Variants in DPP10 observed in about 807,000 individuals in gnomAD.
DPP10 encodes the protein dipeptidyl peptidase like 10, also known as inactive dipeptidyl peptidase 10.
Under a neutral mutation model 120.9 loss-of-function variants are expected in DPP10, and 33 were observed. The observed-to-expected ratio is 0.27, with a 90% CI of 0.21 to 0.37. The LOEUF (loss-of-function observed/expected upper bound fraction) is 0.37. DPP10 is among the 10% of genes least tolerant of loss of function. The pLI is 1.00. For synonymous variants in DPP10, 337 were observed against 326.1 expected (o/e 1.03, Z -0.36); for missense variants, 816 against 942.8 (o/e 0.87, Z 1.76).
intron 8 of DPP10, among the ~76,000 whole-genome samples, chr2:115,739,029 A>G (rs990464492): frequency 4.6e-5 from 7 of 152,130 alleles, no homozygotes; most frequent in African/African-American, 1.7e-4. Context: ...ACACATAAGG[A>G]GAAATTTGTG....
chr2:114,955,618 C>A (rs988149860), intron 1 of DPP10, among the ~76,000 whole-genome samples: 4 of 152,168 alleles, frequency 2.6e-5, no homozygotes, highest in Admixed American at 6.5e-5. Flanking sequence ...AGCCTCCTAT[C>A]GAAACTAAAT....
intron 3 of DPP10, among the ~76,000 whole-genome samples, chr2:115,464,499 G>A (rs892328622): frequency 6.6e-6 from 1 of 151,756 alleles, no homozygotes; most frequent in African/African-American, 2.4e-5. Context: ...CTAACACTAG[G>A]TTTTTTTTCA....
chr2:115,007,003 A>G (rs1184796587), intron 1 of DPP10, among the ~76,000 whole-genome samples: 1 of 152,062 alleles, frequency 6.6e-6, no homozygotes, highest in African/African-American at 2.4e-5. Flanking sequence ...AAGAACAGAA[A>G]TTATAACAAA....
At chr2:115,354,392 C>A (rs1285844616) in intron 3 of DPP10, among the ~76,000 whole-genome samples, 1 of 152,006 alleles carries the variant, frequency 6.6e-6, no homozygotes, top group Non-Finnish European at 1.5e-5. Flanking sequence ...TATGGGTACC[C>A]AATGTTTAGT....
intron 17 of DPP10, among the ~76,000 whole-genome samples, chr2:115,787,885 T>C (rs1683518960): frequency 6.6e-6 from 1 of 152,114 alleles, no homozygotes; most frequent in Non-Finnish European, 1.5e-5. Context: ...TACAGACATC[T>C]CATCAGAAAA....
At chr2:114,710,163 T>C (rs1263840922) in intron 1 of DPP10, among the ~76,000 whole-genome samples, 1 of 152,258 alleles carries the variant, frequency 6.6e-6, no homozygotes, top group Non-Finnish European at 1.5e-5. Flanking sequence ...GCTCACAGTC[T>C]GTTTTTGTAA....
chr2:115,332,108 T>G (rs867985738), intron 2 of DPP10, among the ~76,000 whole-genome samples: 17 of 152,150 alleles, frequency 1.1e-4, no homozygotes, highest in African/African-American at 3.9e-4. Context: ...CAGAGCCTCT[T>G]ATTGGTCTAT....
chr2:114,878,999 A>G (rs1691386958), intron 1 of DPP10, among the ~76,000 whole-genome samples: 1 of 152,136 alleles, frequency 6.6e-6, no homozygotes, highest in African/African-American at 2.4e-5. Flanking sequence ...GGGATTTAAG[A>G]GAAAGGTGTG....
chr2:115,468,339 A>G, intron 3 of DPP10: 1 of 513,736 alleles, frequency 1.9e-6, no homozygotes, highest in Non-Finnish European at 3.9e-6. Flanking sequence ...CACTGGAGCA[A>G]CTCCAATTGC....
chr2:115,544,197 T>C (rs1241820556), intron 5 of DPP10, among the ~76,000 whole-genome samples: 3 of 152,052 alleles, frequency 2.0e-5, no homozygotes, highest in Non-Finnish European at 2.9e-5. Context: ...AAATTTCTTA[T>C]GATATTTGTA....
At chr2:115,524,468 G>A (rs1031619916) in intron 4 of DPP10, among the ~76,000 whole-genome samples, 1 of 152,054 alleles carries the variant, frequency 6.6e-6, no homozygotes, top group Non-Finnish European at 1.5e-5. Context: ...TTTGGACTGG[G>A]GTACATCACC....
chr2:115,139,109 G>C (rs1478772813), intron 1 of DPP10, among the ~76,000 whole-genome samples: 1 of 152,150 alleles, frequency 6.6e-6, no homozygotes, highest in African/African-American at 2.4e-5. Flanking sequence ...TTCCAAGAAA[G>C]TGTTTGCAAA....
Position 114,958,142 on chromosome 2 carries a change from G to T in DPP10, c.61-351097G>T, listed in dbSNP as rs576859028. On this transcript the variant is annotated intron_variant, in intron 1 of 25. Transcript: ENST00000410059. ...ATTTATAGACAAAAAAAAGAGACAT[G>T]ACCTACAGAAATCAGAAGTGAGGCA... Among the ~76,000 whole-genome samples the T allele has an allele frequency of 4.8e-4, 73 of 152,278 alleles. 1 individual carries two copies. The highest frequency in any genetic ancestry group is 3.4e-3 in the Middle Eastern group (1 of 294).
At chr2:114,801,262 C>CAAAAAAA (rs1174819592) in intron 1 of DPP10, among the ~76,000 whole-genome samples, 3 of 59,570 alleles carry the variant, frequency 5.0e-5, no homozygotes, top group East Asian at 9.1e-4. Flanking sequence ...GACTCTGTAT[C>CAAAAAAA]AAAAAAAAAA....
intron 1 of DPP10, among the ~76,000 whole-genome samples, chr2:115,216,199 G>A (rs1272222785): frequency 6.6e-6 from 1 of 152,140 alleles, no homozygotes; most frequent in African/African-American, 2.4e-5. Flanking sequence ...CCTAATGGGT[G>A]CAACGTACAC....
At chr2:115,273,484 C>T (rs1043481902) in intron 1 of DPP10, among the ~76,000 whole-genome samples, 4 of 152,010 alleles carry the variant, frequency 2.6e-5, no homozygotes. Flanking sequence ...CTACAGGCGC[C>T]CGCCACCATG....
intron 1 of DPP10, among the ~76,000 whole-genome samples, chr2:114,478,852 G>A (rs1680758971): frequency 6.6e-6 from 1 of 152,062 alleles, no homozygotes; most frequent in South Asian, 2.1e-4. Flanking sequence ...ATCTATTTGT[G>A]TATACTTAAT....
intron 1 of DPP10, among the ~76,000 whole-genome samples, chr2:114,973,993 ATGTGTTT>A (rs1282135084): frequency 6.6e-6 from 1 of 152,210 alleles, no homozygotes; most frequent in Non-Finnish European, 1.5e-5. Context: ...CAGCTGTGCC[ATGTGTTT>A]TAAATTAAGT....
intron 5 of DPP10, among the ~76,000 whole-genome samples, chr2:115,551,222 C>T (rs2079852737): frequency 6.6e-6 from 1 of 152,092 alleles, no homozygotes; most frequent in Non-Finnish European, 1.5e-5. Flanking sequence ...GTAATAATTG[C>T]TTGTCACAAT....
Sources: allele counts gnomAD v4.1 joint callset (sites outside exome capture counted in the v4.1 genomes callset), GRCh38; gene constraint gnomAD v4.1.1; transcripts MANE v1.5; gene names NCBI Gene and HGNC (gene_info 2026-07-23, HGNC 2026-07-21).